RSRP1: variants seen among roughly 807,000 people sequenced by gnomAD.
RSRP1 encodes the protein arginine/serine-rich protein 1.
A neutral mutation model predicts 33.0 loss-of-function variants in RSRP1; 37 were observed. The ratio of observed to expected loss-of-function variants is 1.12; its 90% CI spans 0.86 to 1.48. The LOEUF is 1.48. RSRP1 is among the 40% of genes most tolerant of loss of function. The pLI is 0.00. For synonymous variants in RSRP1, 167 were observed against 158.7 expected, an observed-to-expected ratio of 1.05 and a Z score of -0.40; for missense variants, 402 against 385.3, an observed-to-expected ratio of 1.04 and a Z score of -0.36.
intron 1 of RSRP1, among the ~76,000 whole-genome samples, chr1:25,332,923 G>A (rs1362385005): frequency 7.6e-6 from 1 of 131,620 alleles, no homozygotes; most frequent in African/African-American, 2.6e-5. Flanking sequence ...GGAGACCCAG[G>A]GATACTGGTA....
chr1:25,287,561 A>T (rs1642140501), intron 1 of RSRP1, among the ~76,000 whole-genome samples: 1 of 134,728 alleles, frequency 7.4e-6, no homozygotes, highest in South Asian at 2.2e-4. Flanking sequence ...AGCTTGTGCC[A>T]CTTGACTTGG....
In RSRP1 at chr1:25,330,198, T is replaced by C. The variant is rs989700916; in HGVS notation, c.-67+7780A>G. 2.3e-5 allele frequency: 3 copies of C among 133,040 alleles called. 1 individual carries two copies. Among genetic ancestry groups the C allele is most frequent in the African/African-American group, 7.7e-5 (3 of 38,964 alleles). The allele number at this position is 133,040 out of a possible 1,614,324, so 8.2% of individuals were successfully genotyped here. On this transcript the variant is annotated intron_variant, in intron 1 of 1. Coordinates refer to the RSRP1 transcript ENST00000561867. The stretch of plus-strand genomic sequence containing the variant: ...TGTTTTCTACTGCTATGTGTCACAC[T>C]TTGCCAAACAGGATGTGGAAAATGA...
At chr1:25,331,691 C>A (rs1645011135) in intron 1 of RSRP1, among the ~76,000 whole-genome samples, 1 of 122,970 alleles carries the variant, frequency 8.1e-6, no homozygotes, top group South Asian at 2.5e-4. Context: ...CCTCAATCTC[C>A]CGAGTAGCTG....
At position 25,242,695 on chromosome 1, in the gene RSRP1, GCTA is replaced by G; in HGVS notation, c.764_766del (p.Val255del). On this transcript the variant is annotated inframe_deletion, in exon 5 of 5. Transcript: ENST00000243189. ...TTTAGCTGATTTTTGTATTGGCTTT[GCTA>G]CAGAATTCTGTAAAAGAACAAATTC... 6.2e-7 allele frequency: 1 copy of G among 1,602,392 alleles called. No individual in the cohort carries two copies. The highest frequency in any genetic ancestry group is 8.5e-7 in the Non-Finnish European group (1 of 1,176,660).
chr1:25,256,737 T>A lies in RSRP1; in HGVS notation c.-66-9708A>T, dbSNP rs28515816. 3.1e-3 allele frequency among the ~76,000 whole-genome samples: 468 copies of A among 152,284 alleles called. 4 individuals are homozygous for A. Among genetic ancestry groups the A allele is most frequent in the African/African-American group, 0.011 (446 of 41,538 alleles). Reference sequence around the variant, plus strand: ...GCCTTGGCCTCCCAGAATGCTGAGATTACAGGCGTGAGTCACCGTGCCTGG... The same window carrying A: ...GCCTTGGCCTCCCAGAATGCTGAGAATACAGGCGTGAGTCACCGTGCCTGG... On this transcript the variant is annotated intron_variant, in intron 1 of 1. Coordinates refer to the RSRP1 transcript ENST00000561867.
rs1461896088 is a variant in RSRP1, at chr1:25,276,525, C to G, written c.-66-29496G>C. Among the ~76,000 whole-genome samples, 21 of 50,630 alleles carry G rather than the reference C, an allele frequency of 4.1e-4. 2 individuals are homozygous for G. The highest frequency in any genetic ancestry group is 1.3e-3 in the African/African-American group (16 of 12,106). The allele number at this position is 50,630 out of a possible 152,430, so 33.2% of individuals were successfully genotyped here. On this transcript the variant is annotated intron_variant, in intron 1 of 1. Transcript: ENST00000561867. ...CTAGGAAACATAGGGAGACCCCCCC[C>G]CATCTCTAAAAAAAAAAAAAAAAAA...
chr1:25,242,800 A>C, intron 4 of RSRP1, 95 bp from the exon 5 acceptor site: 1 of 889,082 alleles, frequency 1.1e-6, no homozygotes, highest in Non-Finnish European at 1.8e-6. Context: ...TATGAGCCTT[A>C]GAGATATTAT....
At chr1:25,247,121 A>G in intron 1 of RSRP1, 92 bp from the exon 2 acceptor site, 2 of 817,314 alleles carry the variant, frequency 2.4e-6, no homozygotes, top group Non-Finnish European at 1.8e-6. Context: ...CGGGAGGCGG[A>G]GCCACGGCGC....
At chr1:25,333,967 C>A (rs1284882523) in intron 1 of RSRP1, among the ~76,000 whole-genome samples, 1 of 126,882 alleles carries the variant, frequency 7.9e-6, no homozygotes, top group Admixed American at 7.7e-5. Context: ...GGGGACACAA[C>A]CAAACCCTAT....
intron 2 of RSRP1, among the ~76,000 whole-genome samples, chr1:25,246,203 C>G (rs947583059): frequency 7.2e-5 from 11 of 152,166 alleles, no homozygotes; most frequent in African/African-American, 2.7e-4. Context: ...CCACTAAGAA[C>G]AGTCAGCCAA....
intron 1 of RSRP1, among the ~76,000 whole-genome samples, chr1:25,264,311 T>G (rs114845124): frequency 0.013 from 2,049 of 152,088 alleles, 48 homozygotes; most frequent in South Asian, 0.026. Context: ...GCAGCAAACT[T>G]CTGACTGGGC....
intron 1 of RSRP1, among the ~76,000 whole-genome samples, chr1:25,307,167 A>G (rs535813865): frequency 1.3e-4 from 17 of 132,104 alleles, no homozygotes; most frequent in Admixed American, 1.1e-3. Context: ...CCCTCACAGG[A>G]CTGTTGGGAT....
At chr1:25,305,162 GAGA>G (rs1419672621) in intron 1 of RSRP1, among the ~76,000 whole-genome samples, 1 of 131,198 alleles carries the variant, frequency 7.6e-6, no homozygotes, top group East Asian at 2.0e-4. Context: ...AGTGTTGACA[GAGA>G]AGTAGTATTA....
At position 25,247,008 on chromosome 1, in the gene RSRP1, G is replaced by A; in HGVS notation, c.-45C>T. The A allele has an allele frequency of 6.6e-7, 1 of 1,507,408 alleles. No individual in the cohort carries two copies. The highest frequency in any genetic ancestry group is 1.3e-5 in the South Asian group (1 of 77,396). 93.4% of individuals were successfully genotyped at this position (1,507,408 alleles called of 1,614,324 possible). ...CTGCGCTTTCTCCGGAAAGGATCCC[G>A]CAAGCCTCAACTCAGGACTTCCTAA... On this transcript the variant is annotated 5_prime_UTR_variant, in exon 2 of 5. Coordinates refer to ENST00000243189, the MANE Select transcript of RSRP1 (RefSeq NM_020317.5).
chr1:25,257,984 C>T (rs1571537687), intron 1 of RSRP1, among the ~76,000 whole-genome samples: 2 of 152,244 alleles, frequency 1.3e-5, no homozygotes, highest in Middle Eastern at 3.4e-3. Flanking sequence ...GCAGGATCCT[C>T]ATTCATCAGA....
intron 1 of RSRP1, among the ~76,000 whole-genome samples, chr1:25,319,699 G>C (rs1298091845): frequency 7.6e-6 from 1 of 132,024 alleles, no homozygotes; most frequent in Admixed American, 7.4e-5. Context: ...CAGAAGACAA[G>C]CATTTAATTT....
In RSRP1 at chr1:25,276,999, G is replaced by A. The variant is rs1200140715; in HGVS notation, c.-66-29970C>T. ...GGAGAATGGCGTGAACCCAGGAGGC[G>A]GAGCTTTCAGTGAGCTGAGATTACG... On this transcript the variant is annotated intron_variant, in intron 1 of 1. Coordinates refer to the RSRP1 transcript ENST00000561867. 3.0e-5 allele frequency among the ~76,000 whole-genome samples: 4 copies of A among 131,342 alleles called. 1 individual carries two copies. The highest frequency in any genetic ancestry group is 2.3e-4 in the South Asian group (1 of 4,310). 86.2% of individuals were successfully genotyped at this position (131,342 alleles called of 152,430 possible).
At chr1:25,288,855 A>C (rs1642260097) in intron 1 of RSRP1, among the ~76,000 whole-genome samples, 1 of 130,254 alleles carries the variant, frequency 7.7e-6, no homozygotes, top group African/African-American at 2.6e-5. Context: ...TGAAATGAAC[A>C]CCCACTTAAA....
chr1:25,301,944 C>G (rs149996494), intron 1 of RSRP1, among the ~76,000 whole-genome samples: 2,759 of 129,958 alleles, frequency 0.021, 365 homozygotes, highest in African/African-American at 0.035. Flanking sequence ...AAACAGACCT[C>G]AGTTTGAACC....
Sources: gnomAD v4.1 joint callset for allele counts (sites outside exome capture counted in the v4.1 genomes callset) on GRCh38, gnomAD v4.1.1 for gene constraint, MANE v1.5 for transcripts, NCBI Gene and HGNC (gene_info 2026-07-23, HGNC 2026-07-21) for gene names.